COL1A2: variants seen among roughly 807,000 people sequenced by gnomAD.
COL1A2 encodes the protein collagen type I alpha 2 chain.
In COL1A2, 49 loss-of-function variants were observed where a neutral mutation model predicts 174.3. The observed-to-expected ratio is 0.28, with a 90% CI of 0.22 to 0.36. The LOEUF (loss-of-function observed/expected upper bound fraction) is 0.36, where lower values mean the gene tolerates loss of function less well. Among genes scored for constraint, COL1A2 ranks in the 10% least tolerant of loss-of-function variants. The probability of loss-of-function intolerance (pLI) is 1.00; values close to 1 mark genes in which losing one functional copy is unlikely to be tolerated. For synonymous variants in COL1A2, 655 were observed against 606.6 expected, an observed-to-expected ratio of 1.08 and a Z score of -1.17; for missense variants, 1,438 against 1,822.7, an observed-to-expected ratio of 0.79 and a Z score of 3.84.
chr7:94,419,611 C>T, intron 34 of COL1A2, 60 bp downstream of exon 34: 1 of 1,565,868 alleles, frequency 6.4e-7, no homozygotes, highest in Non-Finnish European at 8.8e-7. Context: ...CTTCCCTAGT[C>T]CCAAAGAGCC....
intron 16 of COL1A2, 72 bp from the exon 17 acceptor site, chr7:94,409,250 T>G (rs1791865930): frequency 7.8e-7 from 1 of 1,289,204 alleles, no homozygotes; most frequent in African/African-American, 1.5e-5. Context: ...TTCATAAAAC[T>G]TGGCATCTTA....
chr7:94,424,538 A>C, intron 41 of COL1A2, 95 bp downstream of exon 41: 1 of 1,138,534 alleles, frequency 8.8e-7, no homozygotes, highest in Non-Finnish European at 1.3e-6. Flanking sequence ...GAATAACTTC[A>C]CTTAAGATTT....
chr7:94,399,629 A>G (rs1791647139), intron 4 of COL1A2, among the ~76,000 whole-genome samples: 2 of 152,220 alleles, frequency 1.3e-5, no homozygotes, highest in Admixed American at 1.3e-4. Context: ...CCTATATCTT[A>G]TATCTATTAG....
intron 16 of COL1A2, 55 bp from the exon 17 acceptor site, chr7:94,409,267 G>C (rs1395869852): frequency 8.9e-6 from 13 of 1,466,904 alleles, no homozygotes; most frequent in Non-Finnish European, 1.2e-5. Context: ...CTTAAAAACA[G>C]ATATGCTGTT....
At chr7:94,411,262 A>G (rs1791917229) in intron 23 of COL1A2, 108 bp downstream of exon 23, 3 of 912,368 alleles carry the variant, frequency 3.3e-6, no homozygotes, top group Admixed American at 2.0e-5. Context: ...TAAATTTGTT[A>G]GTAGTCTTGC....
intron 33 of COL1A2, 83 bp downstream of exon 33, chr7:94,418,635 T>A: frequency 5.8e-6 from 6 of 1,036,786 alleles, no homozygotes; most frequent in Non-Finnish European, 9.0e-6. Context: ...AAATTAGAAC[T>A]ACACACACTT....
intron 48 of COL1A2, 161 bp from the exon 49 acceptor site, chr7:94,427,466 C>A: frequency 9.4e-7 from 1 of 1,066,760 alleles, no homozygotes; most frequent in Non-Finnish European, 1.4e-6. Context: ...TCCATCCCTG[C>A]AAGTGTGCCT....
intron 24 of COL1A2, 127 bp downstream of exon 24, chr7:94,412,248 A>C: frequency 1.2e-6 from 1 of 835,730 alleles, no homozygotes; most frequent in South Asian, 1.4e-5. Context: ...TCATCTGGGA[A>C]TGCAGAGTAA....
rs766941490 is a variant in COL1A2, at chr7:94,428,320, G to A, written c.3554G>A (p.Gly1185Glu). The A allele has an allele frequency of 9.3e-6, 15 of 1,613,948 alleles. No homozygotes were observed. The highest frequency in any genetic ancestry group is 1.3e-5 in the African/African-American group (1 of 74,898). The part of the protein sequence containing the change: ...SGYYWIDPNQ[G>E]CTMDAIKVYC... ...TACTACTGGATTGACCCTAACCAAG[G>A]ATGCACTATGGATGCTATCAAAGTA... Residue 1185 changes from glycine (G) to glutamate (E), a missense_variant, in exon 50 of 52, where the codon GGA (glycine) becomes GAA (glutamate). Gly to Glu is a moderately conservative substitution (Grantham distance 98). This residue lies in a region of COL1A2 where 290 missense variants were observed against 298.1 expected (regional missense o/e 0.97). Coordinates refer to ENST00000297268, the MANE Select transcript of COL1A2 (RefSeq NM_000089.4).
At position 94,430,585 on chromosome 7, in the gene COL1A2, C is replaced by T; in HGVS notation, c.*192C>T. 2 of 623,736 alleles carry T rather than the reference C, an allele frequency of 3.2e-6. No homozygotes were observed. The highest frequency in any genetic ancestry group is 2.2e-5 in the South Asian group (1 of 45,686). 38.6% of individuals were successfully genotyped at this position (623,736 alleles called of 1,614,324 possible). A position where few individuals can be genotyped will look rare whatever the true frequency, so the allele number is the denominator to read the frequency against. ...GCAATACAGTTTCATTAACTCCTTC[C>T]CCCGCTCCCCCAAAAATTTGAATTT... On this transcript the variant is annotated 3_prime_UTR_variant, in exon 52 of 52. Coordinates refer to ENST00000297268, the MANE Select transcript of COL1A2 (RefSeq NM_000089.4).
Position 94,413,955 on chromosome 7 carries a change from A to G in COL1A2, c.1665+8A>G. The G allele has an allele frequency of 6.2e-7, 1 of 1,612,194 alleles. No homozygotes were observed. Among genetic ancestry groups the G allele is most frequent in the Non-Finnish European group, 8.5e-7 (1 of 1,178,368 alleles). ...GGTCCTCCAGGCTTCCAGGTAAGTCAACTCAAACATATACAATACTGCCTT... is the reference window on the plus strand; with the variant it reads ...GGTCCTCCAGGCTTCCAGGTAAGTCGACTCAAACATATACAATACTGCCTT... On this transcript the variant is annotated splice_region_variant and intron_variant, in intron 28 of 51. Transcript: ENST00000297268.
At chr7:94,415,861 G>T (rs1252913057) in intron 30 of COL1A2, among the ~76,000 whole-genome samples, 1 of 152,024 alleles carries the variant, frequency 6.6e-6, no homozygotes, top group African/African-American at 2.4e-5. Context: ...ATGCTCTAGT[G>T]ATATTTAGAT....
chr7:94,396,305 T>C (rs1791581649), intron 1 of COL1A2, among the ~76,000 whole-genome samples: 1 of 133,162 alleles, frequency 7.5e-6, no homozygotes, highest in African/African-American at 2.9e-5. Context: ...TTCTAATGCA[T>C]TTGTGTGCTT....
At chr7:94,423,575 G>GTTTTTGT in intron 40 of COL1A2, 1 of 169,830 alleles carries the variant, frequency 5.9e-6, no homozygotes, top group African/African-American at 2.4e-5. Context: ...TTTCCTTTTT[G>GTTTTTGT]TTTTTGTTTT....
chr7:94,426,211 ATCTCT>A (rs1792274644), intron 45 of COL1A2, among the ~76,000 whole-genome samples, 160 bp downstream of exon 45: 1 of 152,222 alleles, frequency 6.6e-6, no homozygotes, highest in Non-Finnish European at 1.5e-5. Flanking sequence ...GCTATTTTAA[ATCTCT>A]TATGCTTGTT....
intron 19 of COL1A2, 65 bp from the exon 20 acceptor site, chr7:94,410,177 A>T: frequency 6.6e-7 from 1 of 1,525,226 alleles, no homozygotes; most frequent in Non-Finnish European, 9.1e-7. Flanking sequence ...ATTCTAAGAG[A>T]TTTGTCTGCA....
intron 4 of COL1A2, among the ~76,000 whole-genome samples, 181 bp downstream of exon 4, chr7:94,399,265 T>A (rs1446279977): frequency 3.3e-5 from 5 of 152,222 alleles, no homozygotes; most frequent in Admixed American, 2.0e-4. Context: ...AATATTTGTT[T>A]TAGGTCAAAA....
intron 4 of COL1A2, 21 bp from the exon 5 acceptor site, chr7:94,400,175 T>C: frequency 1.9e-6 from 3 of 1,612,226 alleles, no homozygotes; most frequent in Non-Finnish European, 2.5e-6. Context: ...AACCTGACCT[T>C]ACTCACTTTT....
intron 34 of COL1A2, among the ~76,000 whole-genome samples, 178 bp downstream of exon 34, chr7:94,419,729 C>G (rs187000502): frequency 1.2e-3 from 177 of 152,300 alleles, no homozygotes; most frequent in Non-Finnish European, 1.9e-3. Flanking sequence ...TTACTTTTCC[C>G]TTCCTATAGA....
Sources: allele counts gnomAD v4.1 joint callset (sites outside exome capture counted in the v4.1 genomes callset), GRCh38; gene constraint gnomAD v4.1.1; regional missense constraint gnomAD v4.1.1; transcripts MANE v1.5; gene names NCBI Gene and HGNC (gene_info 2026-07-23, HGNC 2026-07-21).